PAWR: variants seen among roughly 807,000 people sequenced by gnomAD.
PAWR encodes pro-apoptotic WT1 regulator.
PAWR carries 23 observed loss-of-function variants against 32.0 expected under a neutral mutation model. That is an observed-to-expected ratio of 0.72 (90% CI 0.52 to 1.02). PAWR has a LOEUF of 1.02. Ranked by LOEUF, PAWR falls within the 50% of genes least tolerant of loss-of-function variation. The pLI is 0.00. For synonymous variants in PAWR, 226 were observed against 187.1 expected, an observed-to-expected ratio of 1.21 and a Z score of -1.70; for missense variants, 457 against 437.7, an observed-to-expected ratio of 1.04 and a Z score of -0.39.
At chr12:79,639,880 C>CA (rs1435332039) in intron 2 of PAWR, among the ~76,000 whole-genome samples, 1,881 of 71,602 alleles carry the variant, frequency 0.026, 56 homozygotes, top group African/African-American at 0.1. Context: ...ATTCCTATTC[C>CA]TATTCCATTC....
chr12:79,593,126 T>G (rs554497263), intron 6 of PAWR, among the ~76,000 whole-genome samples: 1 of 151,972 alleles, frequency 6.6e-6, no homozygotes, highest in Admixed American at 6.6e-5. Context: ...AAGGTGCAGG[T>G]ACAAGTTCTA....
At chr12:79,614,710 G>C (rs1341198391) in intron 3 of PAWR, among the ~76,000 whole-genome samples, 1 of 152,148 alleles carries the variant, frequency 6.6e-6, no homozygotes, top group Non-Finnish European at 1.5e-5. Flanking sequence ...TACAATTAAA[G>C]AAGTTCTCAT....
At chr12:79,685,843 G>C (rs116845258) in intron 2 of PAWR, among the ~76,000 whole-genome samples, 56 of 152,200 alleles carry the variant, frequency 3.7e-4, no homozygotes, top group Non-Finnish European at 6.5e-4. Flanking sequence ...ATAATGAAAA[G>C]TAGGTTAATT....
intron 2 of PAWR, among the ~76,000 whole-genome samples, chr12:79,648,800 A>T (rs989746341): frequency 4.0e-5 from 6 of 151,612 alleles, no homozygotes; most frequent in Non-Finnish European, 5.9e-5. Context: ...CTAGAAAAAA[A>T]AAAATAAAAA....
chr12:79,593,939 C>T (rs538868687), intron 6 of PAWR, among the ~76,000 whole-genome samples: 3 of 151,670 alleles, frequency 2.0e-5, no homozygotes, highest in Non-Finnish European at 2.9e-5. Context: ...CCTGACTTCA[C>T]GTGATCCGCC....
intron 2 of PAWR, among the ~76,000 whole-genome samples, chr12:79,626,923 C>G (rs1875357853): frequency 1.3e-5 from 2 of 152,132 alleles, no homozygotes; most frequent in Non-Finnish European, 2.9e-5. Flanking sequence ...ATGAACTCAT[C>G]ATTTTTTACG....
chr12:79,601,109 C>T (rs1258521041), intron 4 of PAWR, among the ~76,000 whole-genome samples: 1 of 151,624 alleles, frequency 6.6e-6, no homozygotes, highest in Non-Finnish European at 1.5e-5. Flanking sequence ...TAAATTGTGG[C>T]CCATTTGAGA....
chr12:79,668,805 T>G (rs531799675), intron 2 of PAWR, among the ~76,000 whole-genome samples: 11 of 152,314 alleles, frequency 7.2e-5, no homozygotes, highest in Middle Eastern at 3.4e-3. Context: ...TAACAAGTCA[T>G]GGACCAGTAC....
chr12:79,639,078 A>G (rs2136766375), intron 2 of PAWR, among the ~76,000 whole-genome samples: 2 of 149,168 alleles, frequency 1.3e-5, no homozygotes, highest in East Asian at 2.0e-4. Context: ...ACGCACAGCT[A>G]ATTTTTGTAT....
Position 79,689,722 on chromosome 12 carries a change from G to A in PAWR, c.516+7C>T, listed in dbSNP as rs1336266163. ...CCCGGTCCGGCTGCGGCCCCCGCCCGGCTCACCTCTGCGGCAGGGATGTTG... is the reference window on the plus strand; with the variant it reads ...CCCGGTCCGGCTGCGGCCCCCGCCCAGCTCACCTCTGCGGCAGGGATGTTG... On this transcript the variant is annotated splice_region_variant and intron_variant, in intron 2 of 6. Coordinates refer to ENST00000328827, the MANE Select transcript of PAWR (RefSeq NM_002583.4). 5.8e-6 allele frequency: 9 copies of A among 1,544,660 alleles called. No individual in the cohort carries two copies. Among genetic ancestry groups the A allele is most frequent in the Non-Finnish European group, 7.8e-6 (9 of 1,149,192 alleles).
At position 79,596,583 on chromosome 12, in the gene PAWR, G is replaced by A. The variant is rs145530736; in HGVS notation, c.759C>T (p.Asn253=). 9 of 1,586,212 alleles carry A rather than the reference G, an allele frequency of 5.7e-6. No individual in the cohort carries two copies. The highest frequency in any genetic ancestry group is 2.7e-5 in the African/African-American group (2 of 74,212). The part of the protein sequence containing the change: ...RTDRSGFPRY[N]RDANVSGTLV... ...GAGTACCTGAAACATTTGCATCCCT[G>A]TTATATCTAGGGAACCCACTTCTAT... Residue 253 remains asparagine (N), a synonymous_variant, in exon 5 of 7, where the codon AAC becomes AAT. Coordinates refer to ENST00000328827, the MANE Select transcript of PAWR (RefSeq NM_002583.4).
intron 3 of PAWR, among the ~76,000 whole-genome samples, chr12:79,614,912 A>ACTAT (rs1273873081): frequency 6.6e-6 from 1 of 152,168 alleles, no homozygotes; most frequent in African/African-American, 2.4e-5. Flanking sequence ...AGACTAGGAG[A>ACTAT]CTATGGGTTT....
At chr12:79,662,361 T>C (rs1877393865) in intron 2 of PAWR, among the ~76,000 whole-genome samples, 1 of 152,218 alleles carries the variant, frequency 6.6e-6, no homozygotes, top group Admixed American at 6.5e-5. Context: ...GAATAGGCTT[T>C]GATGTATTCT....
intron 2 of PAWR, among the ~76,000 whole-genome samples, chr12:79,663,744 G>A (rs1481932853): frequency 1.3e-5 from 2 of 151,702 alleles, no homozygotes; most frequent in African/African-American, 2.4e-5. Context: ...CTGGGCAATG[G>A]AGTGAGACTC....
At chr12:79,614,304 CCG>C (rs1874622968) in intron 3 of PAWR, among the ~76,000 whole-genome samples, 1 of 150,668 alleles carries the variant, frequency 6.6e-6, no homozygotes, top group African/African-American at 2.5e-5. Flanking sequence ...GCCACTGCGC[CCG>C]GCCTTATAGT....
intron 2 of PAWR, among the ~76,000 whole-genome samples, chr12:79,656,357 T>C (rs1385113299): frequency 6.6e-6 from 1 of 152,178 alleles, no homozygotes; most frequent in Non-Finnish European, 1.5e-5. Flanking sequence ...AGTGTGGTAG[T>C]AATGAGAATG....
intron 2 of PAWR, among the ~76,000 whole-genome samples, chr12:79,644,920 TAACTC>T (rs1298857279): frequency 2.0e-5 from 3 of 152,110 alleles, no homozygotes; most frequent in African/African-American, 7.2e-5. Context: ...TGATGAACCC[TAACTC>T]AACAGTCCAG....
intron 2 of PAWR, among the ~76,000 whole-genome samples, chr12:79,638,896 ATTTTTTTTTTTTTTTTT>A (rs60375837): frequency 1.4e-3 from 14 of 10,006 alleles, no homozygotes; most frequent in African/African-American, 4.3e-3. Flanking sequence ...ATATATATAT[ATTTTTTTTTTTTTTTTT>A]TTTTTTTTTT....
intron 2 of PAWR, among the ~76,000 whole-genome samples, chr12:79,653,084 C>T (rs1478694987): frequency 6.6e-6 from 1 of 152,118 alleles, no homozygotes; most frequent in African/African-American, 2.4e-5. Context: ...GCTGTTGTTG[C>T]CCGGGCTGGA....
Sources: allele counts gnomAD v4.1 joint callset (sites outside exome capture counted in the v4.1 genomes callset), GRCh38; gene constraint gnomAD v4.1.1; transcripts MANE v1.5; gene names NCBI Gene and HGNC (gene_info 2026-07-23, HGNC 2026-07-21).